The following PDILT variants were observed in gnomAD, a reference collection of about 807,000 sequenced individuals.
PDILT encodes protein disulfide isomerase like, testis expressed, also known as protein disulfide-isomerase-like protein of the testis.
A neutral mutation model predicts 53.7 loss-of-function variants in PDILT; 43 were observed. That is an observed-to-expected ratio of 0.80 (90% CI 0.63 to 1.03). The LOEUF is 1.03. Ranked by LOEUF, PDILT falls within the 50% of genes least tolerant of loss-of-function variation. The pLI, the probability that PDILT is intolerant of heterozygous loss-of-function variation, is 0.00. For missense variants in PDILT, 727 were observed against 712.3 expected (o/e 1.02, Z -0.24); for synonymous variants, 282 against 274.2 (o/e 1.03, Z -0.28).
At chr16:20,374,690 A>G in intron 5 of PDILT, 132 bp downstream of exon 5, 1 of 1,014,104 alleles carries the variant, frequency 9.9e-7, no homozygotes, top group South Asian at 1.7e-5. Context: ...GGAGACTGTG[A>G]CTTCACAGAA....
intron 8 of PDILT, among the ~76,000 whole-genome samples, chr16:20,365,756 C>G (rs537925165): frequency 1.3e-5 from 2 of 152,232 alleles, no homozygotes; most frequent in East Asian, 3.9e-4. Flanking sequence ...GCAGACAAAG[C>G]TTCAAACTGG....
intron 1 of PDILT, 85 bp from the exon 2 acceptor site, chr16:20,399,392 G>A (rs1269231746): frequency 7.1e-7 from 1 of 1,415,780 alleles, no homozygotes; most frequent in East Asian, 2.3e-5. Flanking sequence ...TTGTCCAGCT[G>A]GTCCATGTAG....
rs1224126137 is a variant in PDILT, at chr16:20,367,091, CT to C, written c.1117-1552del. On this transcript the variant is annotated intron_variant, in intron 8 of 11. Transcript: ENST00000302451. ...TCTTTCTTTCTTTCTTTCTTTCTTT[CT>C]TTCTTTCTTTCTTCCTTTCTTTCCT... is the stretch of plus-strand genomic sequence containing the variant. Among the ~76,000 whole-genome samples the C allele has an allele frequency of 3.2e-3, 318 of 99,400 alleles. 7 individuals are homozygous for C. The highest frequency in any genetic ancestry group is 0.011 in the East Asian group (45 of 4,170). The allele number at this position is 99,400 out of a possible 152,430, so 65.2% of individuals were successfully genotyped here. A position where few individuals can be genotyped will look rare whatever the true frequency, so the allele number is the denominator to read the frequency against.
Position 20,399,236 on chromosome 16 carries a change from G to A in PDILT, c.65C>T (p.Pro22Leu), listed in dbSNP as rs1966699840. 6.2e-7 allele frequency: 1 copy of A among 1,613,964 alleles called. No homozygotes were observed. Among genetic ancestry groups the A allele is most frequent in the Admixed American group, 1.7e-5 (1 of 60,004 alleles). ...GCTGGAAACACCGGCGTTAACCTCT[G>A]GTGAGCTGTGGACAGCAGAGACACA... The part of the protein sequence containing the change: ...AACVSAVHSS[P>L]EVNAGVSSIH... Residue 22 changes from proline (P) to leucine (L), a missense_variant, in exon 2 of 12, where the codon CCA (proline) becomes CTA (leucine). Coordinates refer to ENST00000302451, the MANE Select transcript of PDILT (RefSeq NM_174924.2).
Position 20,376,138 on chromosome 16 carries a change from A to G in PDILT, c.473T>C (p.Leu158Ser), listed in dbSNP as rs1448213515. ...LRRQISQKAF[L>S]FNSSEQVAEF... is the part of the protein sequence containing the mutation. ...TGCCACCTGCTCGCTGCTGTTGAAC[A>G]AAAATGCTTTCTGGCTAATTTGTCG... Residue 158 changes from leucine (L) to serine (S), a missense_variant, in exon 4 of 12, where the codon TTG becomes TCG. Physicochemically the swap from Leu to Ser is moderately radical, Grantham distance 145 (BLOSUM62 -2). Transcript: ENST00000302451. 6.2e-7 allele frequency: 1 copy of G among 1,614,070 alleles called. No homozygotes were observed. The highest frequency in any genetic ancestry group is 8.5e-7 in the Non-Finnish European group (1 of 1,180,038).
chr16:20,395,357 G>T (rs1966649954), intron 2 of PDILT, among the ~76,000 whole-genome samples: 2 of 152,194 alleles, frequency 1.3e-5, no homozygotes, highest in Admixed American at 1.3e-4. Flanking sequence ...AAGGGACATA[G>T]GTGGCTGACG....
chr16:20,365,621 A>C (rs1193637370), intron 8 of PDILT, 81 bp from the exon 9 acceptor site: 1 of 1,513,958 alleles, frequency 6.6e-7, no homozygotes, highest in Non-Finnish European at 9.0e-7. Context: ...ATTGGAAACC[A>C]CTAAAGGTTT....
chr16:20,367,895 G>A (rs1966237713), intron 8 of PDILT, among the ~76,000 whole-genome samples: 1 of 152,194 alleles, frequency 6.6e-6, no homozygotes, highest in African/African-American at 2.4e-5. Flanking sequence ...GAAGTTAAGG[G>A]GGTTCAACCA....
intron 2 of PDILT, among the ~76,000 whole-genome samples, chr16:20,391,985 G>T (rs538251663): frequency 5.9e-5 from 9 of 151,890 alleles, no homozygotes; most frequent in Non-Finnish European, 1.2e-4. Context: ...GACCTGATCA[G>T]ATTTGCATTT....
chr16:20,380,244 T>C (rs1178081723), intron 3 of PDILT, among the ~76,000 whole-genome samples: 1 of 152,230 alleles, frequency 6.6e-6, no homozygotes, highest in East Asian at 1.9e-4. Flanking sequence ...TGCCTTCTTC[T>C]GCCTGTTCAA....
chr16:20,400,569 G>C (rs888292395), intron 1 of PDILT, among the ~76,000 whole-genome samples: 1 of 151,890 alleles, frequency 6.6e-6, no homozygotes, highest in African/African-American at 2.4e-5. Context: ...ATACCTACAT[G>C]TTTCAAAAGC....
At chr16:20,361,365 A>G (rs1038910107) in intron 10 of PDILT, among the ~76,000 whole-genome samples, 1 of 151,900 alleles carries the variant, frequency 6.6e-6, no homozygotes, top group Non-Finnish European at 1.5e-5. Flanking sequence ...TTATATTTTC[A>G]GTAGAGACGG....
At chr16:20,393,875 C>T (rs1056622012) in intron 2 of PDILT, among the ~76,000 whole-genome samples, 1 of 152,202 alleles carries the variant, frequency 6.6e-6, no homozygotes. Context: ...CCAGAGCTTC[C>T]AGGTCTTCTG....
At chr16:20,366,543 T>C (rs1442540762) in intron 8 of PDILT, among the ~76,000 whole-genome samples, 3 of 152,232 alleles carry the variant, frequency 2.0e-5, no homozygotes, top group South Asian at 4.1e-4. Flanking sequence ...CCATAATAGA[T>C]GGAATGTCAT....
chr16:20,385,473 T>A (rs146100499), intron 2 of PDILT, among the ~76,000 whole-genome samples: 150 of 152,334 alleles, frequency 9.8e-4, no homozygotes, highest in South Asian at 2.3e-3. Context: ...ACATGCTGCG[T>A]TCTTATTACT....
At chr16:20,377,317 G>T (rs1291754942) in intron 3 of PDILT, among the ~76,000 whole-genome samples, 1 of 152,134 alleles carries the variant, frequency 6.6e-6, no homozygotes, top group African/African-American at 2.4e-5. Flanking sequence ...TATTCGTTGT[G>T]AGTAGCTTTG....
At chr16:20,384,505 T>C in intron 3 of PDILT, 140 bp downstream of exon 3, 1 of 1,031,582 alleles carries the variant, frequency 9.7e-7, no homozygotes, top group South Asian at 1.5e-5. Context: ...TCCAAGGCCC[T>C]AGAGAAGGGC....
Position 20,399,139 on chromosome 16 carries a change from G to T in PDILT, c.162C>A (p.Thr54=), listed in dbSNP as rs753893697. Reference sequence around the variant, plus strand: ...GGAAGCGGGTCTGGTTCAGCATCTGGGTCAGGCCAGCGGGCGTTAGCACTA... The same window carrying T: ...GGAAGCGGGTCTGGTTCAGCATCTGTGTCAGGCCAGCGGGCGTTAGCACTA... ...SLLVLTPAGL[T]QMLNQTRFLM... is the part of the protein sequence containing the mutation. The change falls in exon 2 of 12, where the codon ACC becomes ACA. Residue 54 remains threonine, a synonymous_variant. Transcript: ENST00000302451. 1.9e-6 allele frequency: 3 copies of T among 1,614,026 alleles called. No homozygotes were observed. Among genetic ancestry groups the T allele is most frequent in the Non-Finnish European group, 2.5e-6 (3 of 1,180,032 alleles).
At chr16:20,374,118 T>C (rs918215672) in intron 5 of PDILT, among the ~76,000 whole-genome samples, 1 of 151,918 alleles carries the variant, frequency 6.6e-6, no homozygotes, top group Non-Finnish European at 1.5e-5. Context: ...TAACTTTTTT[T>C]TTTTTAAAGA....
Sources: allele counts gnomAD v4.1 joint callset (sites outside exome capture counted in the v4.1 genomes callset), GRCh38; gene constraint gnomAD v4.1.1; transcripts MANE v1.5; gene names NCBI Gene and HGNC (gene_info 2026-07-23, HGNC 2026-07-21).